The following GALNT12 variants were observed in gnomAD, a reference collection of about 807,000 sequenced individuals.
GALNT12 encodes UDP-GalNAc:polypeptide N-acetylgalactosaminyltransferase 12.
Under a neutral mutation model 55.5 loss-of-function variants are expected in GALNT12, and 45 were observed. The ratio of observed to expected loss-of-function variants is 0.81; its 90% CI spans 0.64 to 1.04. The LOEUF (loss-of-function observed/expected upper bound fraction) is 1.04. Ranked by LOEUF, GALNT12 falls within the 50% of genes least tolerant of loss-of-function variation. GALNT12 has a pLI of 0.00. For missense variants in GALNT12, 709 were observed against 754.8 expected (o/e 0.94, Z 0.71); for synonymous variants, 304 against 312.2 (o/e 0.97, Z 0.28).
chr9:98,845,484 C>T (rs1487689737), intron 8 of GALNT12, among the ~76,000 whole-genome samples: 1 of 152,090 alleles, frequency 6.6e-6, no homozygotes, highest in South Asian at 2.1e-4. Flanking sequence ...AACCATTGTC[C>T]GGGAAGAACC....
intron 9 of GALNT12, chr9:98,847,620 C>T (rs1046465706): frequency 3.9e-5 from 6 of 152,142 alleles, no homozygotes; most frequent in Admixed American, 2.0e-4. Context: ...TACCTTTCTT[C>T]AGGACGCTTA....
At position 98,813,974 on chromosome 9, in the gene GALNT12, A is replaced by G. The variant is rs182575141; in HGVS notation, c.371+5905A>G. 1.3e-3 allele frequency among the ~76,000 whole-genome samples: 196 copies of G among 152,332 alleles called. 6 individuals are homozygous for G. Among genetic ancestry groups the G allele is most frequent in the Admixed American group, 0.011 (173 of 15,304 alleles). On this transcript the variant is annotated intron_variant, in intron 1 of 9. Transcript: ENST00000375011. ...ATTCTTTTGGTTAAAAGTAACTGAA[A>G]GCCCAATGCAAACTGCCTTAAATAT...
In GALNT12 at chr9:98,827,658, A is replaced by T. The variant is rs74710106; in HGVS notation, c.731+717A>T. 3.9e-3 allele frequency among the ~76,000 whole-genome samples: 587 copies of T among 152,308 alleles called. 3 individuals carry two copies. Among genetic ancestry groups the T allele is most frequent in the African/African-American group, 0.013 (551 of 41,556 alleles). On this transcript the variant is annotated intron_variant, in intron 3 of 9. Coordinates refer to ENST00000375011, the MANE Select transcript of GALNT12 (RefSeq NM_024642.5). ...AGGAACAATGCCTAGGGCCCATGAA[A>T]CTGGAAGGAACCCAGATAAATGTTA...
chr9:98,837,264 C>A, intron 6 of GALNT12, 116 bp downstream of exon 6: 1 of 973,898 alleles, frequency 1.0e-6, no homozygotes, highest in Non-Finnish European at 1.7e-6. Context: ...ATTGGGTGCT[C>A]AGATACGAGT....
intron 4 of GALNT12, among the ~76,000 whole-genome samples, chr9:98,832,249 G>A (rs1354836565): frequency 6.6e-6 from 1 of 152,154 alleles, no homozygotes; most frequent in African/African-American, 2.4e-5. Context: ...GCTGAGCATG[G>A]TGGCTCATGC....
At chr9:98,815,314 A>G (rs1418097593) in intron 1 of GALNT12, among the ~76,000 whole-genome samples, 1 of 152,226 alleles carries the variant, frequency 6.6e-6, no homozygotes, top group Admixed American at 6.5e-5. Context: ...ACTTTATTAT[A>G]CAGTAGATTT....
intron 7 of GALNT12, among the ~76,000 whole-genome samples, chr9:98,841,468 C>A (rs1836283465): frequency 6.6e-6 from 1 of 152,138 alleles, no homozygotes; most frequent in Non-Finnish European, 1.5e-5. Context: ...CCCCATCAGC[C>A]TCTGTCTCAT....
At chr9:98,810,913 G>C (rs1374089206) in intron 1 of GALNT12, among the ~76,000 whole-genome samples, 1 of 152,136 alleles carries the variant, frequency 6.6e-6, no homozygotes, top group Non-Finnish European at 1.5e-5. Flanking sequence ...AGTATAGTAA[G>C]TAAGTCAGTA....
chr9:98,808,510 G>A, intron 1 of GALNT12, among the ~76,000 whole-genome samples: 1 of 152,232 alleles, frequency 6.6e-6, no homozygotes. Flanking sequence ...GGACAAACAA[G>A]ATGCGAGGGA....
At chr9:98,821,959 A>C (rs1440533982) in intron 1 of GALNT12, among the ~76,000 whole-genome samples, 3 of 152,194 alleles carry the variant, frequency 2.0e-5, no homozygotes, top group Non-Finnish European at 4.4e-5. Context: ...GCATGGGAGC[A>C]GGGGCCTGGC....
chr9:98,849,064 A>C lies in GALNT12; in HGVS notation c.1718A>C (p.Lys573Thr). 6.2e-7 allele frequency: 1 copy of C among 1,614,222 alleles called. No individual in the cohort carries two copies. Among genetic ancestry groups the C allele is most frequent in the Non-Finnish European group, 8.5e-7 (1 of 1,180,036 alleles). The change falls in exon 10 of 10, where the codon AAA (lysine) becomes ACA (threonine). Residue 573 changes from lysine (K) to threonine (T), a missense_variant. By Grantham distance (78) the Lys-to-Thr change is moderately conservative (BLOSUM62 -1). Coordinates refer to ENST00000375011, the MANE Select transcript of GALNT12 (RefSeq NM_024642.5). ...LRDCTNSDHQ[K>T]WFFKERML ...GACTGCACCAACTCGGATCATCAGAAATGGTTCTTCAAAGAGCGCATGTTA... is the reference window on the plus strand; with the variant it reads ...GACTGCACCAACTCGGATCATCAGACATGGTTCTTCAAAGAGCGCATGTTA...
At chr9:98,816,025 A>G (rs1276091702) in intron 1 of GALNT12, among the ~76,000 whole-genome samples, 2 of 152,246 alleles carry the variant, frequency 1.3e-5, no homozygotes, top group African/African-American at 2.4e-5. Flanking sequence ...ATTACCAGGT[A>G]AAGTACAAGG....
At chr9:98,808,155 T>G (rs1182976787) in intron 1 of GALNT12, 86 bp downstream of exon 1, 2 of 1,136,404 alleles carry the variant, frequency 1.8e-6, no homozygotes, top group Non-Finnish European at 2.5e-6. Context: ...GGCGGGGAGC[T>G]GGGGTCTCCA....
At chr9:98,841,666 C>G (rs1222863421) in intron 7 of GALNT12, among the ~76,000 whole-genome samples, 2 of 151,548 alleles carry the variant, frequency 1.3e-5, no homozygotes, top group Non-Finnish European at 2.9e-5. Flanking sequence ...AAAGGCACGA[C>G]AAATTCTTTT....
intron 1 of GALNT12, among the ~76,000 whole-genome samples, chr9:98,818,401 T>A (rs541460717): frequency 6.6e-6 from 1 of 152,232 alleles, no homozygotes; most frequent in East Asian, 1.9e-4. Context: ...TTTTTTGTAT[T>A]TTTAGTAGAG....
At chr9:98,842,901 G>A (rs562171763) in intron 7 of GALNT12, among the ~76,000 whole-genome samples, 3 of 151,970 alleles carry the variant, frequency 2.0e-5, no homozygotes, top group South Asian at 2.1e-4. Context: ...TATTCATTGA[G>A]GCATTTTACA....
At chr9:98,837,469 G>A (rs888142637) in intron 6 of GALNT12, among the ~76,000 whole-genome samples, 4 of 152,164 alleles carry the variant, frequency 2.6e-5, no homozygotes, top group Admixed American at 6.6e-5. Context: ...ACAGAACCTT[G>A]TTTTCTATGT....
At chr9:98,827,374 AT>A (rs1411587090) in intron 3 of GALNT12, among the ~76,000 whole-genome samples, 1 of 151,494 alleles carries the variant, frequency 6.6e-6, no homozygotes, top group South Asian at 2.1e-4. Context: ...CTAATTTTAT[AT>A]TTTTTTGTAG....
Position 98,826,949 on chromosome 9 carries a change from A to G in GALNT12, c.731+8A>G, listed in dbSNP as rs1385487310. 1.3e-6 allele frequency: 2 copies of G among 1,554,736 alleles called. No individual in the cohort carries two copies. The highest frequency in any genetic ancestry group is 2.4e-5 in the South Asian group (2 of 84,354). On this transcript the variant is annotated splice_region_variant and intron_variant, in intron 3 of 9. Coordinates refer to ENST00000375011, the MANE Select transcript of GALNT12 (RefSeq NM_024642.5). ...GGAGCCGCTGCTGCAGAGGTACGTG[A>G]GCCGCCCACCATGGGAGAGACAGCA...
Sources: allele counts gnomAD v4.1 joint callset (sites outside exome capture counted in the v4.1 genomes callset), GRCh38; gene constraint gnomAD v4.1.1; transcripts MANE v1.5; gene names NCBI Gene and HGNC (gene_info 2026-07-23, HGNC 2026-07-21).